Variants in STARD3 observed in about 807,000 individuals in gnomAD.
STARD3 encodes StAR related lipid transfer domain containing 3.
STARD3 carries 39 observed loss-of-function variants against 62.0 expected under a neutral mutation model. The observed-to-expected ratio is 0.63, with a 90% CI of 0.49 to 0.82. STARD3 has a LOEUF of 0.82. Ranked by LOEUF, STARD3 falls within the 40% of genes least tolerant of loss-of-function variation. STARD3 has a pLI of 0.00. For missense variants in STARD3, 543 were observed against 584.5 expected (o/e 0.93, Z 0.73); for synonymous variants, 229 against 242.4 (o/e 0.94, Z 0.51).
At chr17:39,649,154 G>A (rs1386384296) in intron 1 of STARD3, among the ~76,000 whole-genome samples, 3 of 152,202 alleles carry the variant, frequency 2.0e-5, no homozygotes, top group Non-Finnish European at 4.4e-5. Context: ...GACAGACATG[G>A]ATGACGATAT....
At chr17:39,647,503 G>A (rs1440672991) in intron 1 of STARD3, among the ~76,000 whole-genome samples, 1 of 152,118 alleles carries the variant, frequency 6.6e-6, no homozygotes, top group Non-Finnish European at 1.5e-5. Flanking sequence ...GTGGGTGGAG[G>A]CCTGCGCTAG....
rs778764543 is a variant in STARD3, at chr17:39,660,130, C to CCTG, written c.796-79_796-77dup. The CCTG allele has an allele frequency of 2.0e-6, 3 of 1,468,096 alleles. No individual in the cohort carries two copies. In the South Asian group the frequency reaches 3.4e-5, roughly 17 times the overall value. The allele number at this position is 1,468,096 out of a possible 1,614,324, so 90.9% of individuals were successfully genotyped here. A position where few individuals can be genotyped will look rare whatever the true frequency, so the allele number is the denominator to read the frequency against. ...CCACCCTGAGCTGTTAAAAACCTGC[C>CCTG]CTGCCTGTCACCCATTTCTGTGCCA... On this transcript the variant is annotated intron_variant, in intron 9 of 14. Coordinates refer to ENST00000336308, the MANE Select transcript of STARD3 (RefSeq NM_006804.4). The surrounding 1 kb of genome is among the most constrained non-coding windows in gnomAD (Gnocchi z 4.8).
intron 2 of STARD3, 114 bp downstream of exon 2, chr17:39,653,864 A>G (rs2057101703): frequency 1.7e-6 from 2 of 1,185,230 alleles, no homozygotes; most frequent in South Asian, 1.4e-5. Context: ...AGCTGGGTAA[A>G]ATGAAGACTG....
At chr17:39,659,417 G>A (rs1188917815) in intron 8 of STARD3, 44 bp from the exon 9 acceptor site, 2 of 1,579,894 alleles carry the variant, frequency 1.3e-6, no homozygotes, top group Admixed American at 1.7e-5. Flanking sequence ...ATGGTGGACT[G>A]CAGGCCCCAG....
At chr17:39,639,541 G>T (rs982601198) in intron 1 of STARD3, among the ~76,000 whole-genome samples, 2 of 152,206 alleles carry the variant, frequency 1.3e-5, no homozygotes, top group African/African-American at 4.8e-5. Flanking sequence ...AGAAAGCTGG[G>T]TCCTCTGAAC....
At position 39,663,651 on chromosome 17, in the gene STARD3, C is replaced by G. The variant is rs534183321; in HGVS notation, c.*743C>G. Reference sequence around the variant, plus strand: ...CCCCATTCCCCCCCCGCCCACCCCCCACTCCCCGCTTTCCTGACCAGTTCA... The same window carrying G: ...CCCCATTCCCCCCCCGCCCACCCCCGACTCCCCGCTTTCCTGACCAGTTCA... On this transcript the variant is annotated 3_prime_UTR_variant, in exon 15 of 15. Coordinates refer to ENST00000336308, the MANE Select transcript of STARD3 (RefSeq NM_006804.4). 6.0e-5 allele frequency among the ~76,000 whole-genome samples: 9 copies of G among 149,576 alleles called. No homozygotes were observed. Among genetic ancestry groups the G allele is most frequent in the African/African-American group, 1.5e-4 (6 of 40,668 alleles).
Position 39,662,891 on chromosome 17 carries a change from C to G in STARD3, c.1321C>G (p.Leu441Val). The G allele has an allele frequency of 6.2e-7, 1 of 1,612,134 alleles. No homozygotes were observed. Among genetic ancestry groups the G allele is most frequent in the Non-Finnish European group, 8.5e-7 (1 of 1,179,394 alleles). The change falls in exon 15 of 15, where the codon CTG becomes GTG. Residue 441 changes from leucine to valine, a missense_variant. By Grantham distance (32) the Leu-to-Val change is conservative. Coordinates refer to ENST00000336308, the MANE Select transcript of STARD3 (RefSeq NM_006804.4). ...AFHLRQRISE[L>V]GARA ...TCACCTGCGACAGCGCATCAGCGAG[C>G]TGGGGGCCCGGGCGTGACTGTGCCC...
chr17:39,662,679 A>G (rs2952150), intron 14 of STARD3, 125 bp from the exon 15 acceptor site: 55,166 of 933,470 alleles, frequency 0.059, 2,384 homozygotes, highest in African/African-American at 0.18. Context: ...GGAGAGGGCG[A>G]CCCAGGCTGG....
Position 39,662,131 on chromosome 17 carries a change from T to C in STARD3, c.1140-120T>C, listed in dbSNP as rs553189115. The C allele has an allele frequency of 1.2e-4, 104 of 879,008 alleles. 1 individual carries two copies. The African/African-American group carries it at 1.6e-3, about 14-fold the overall frequency. 54.5% of individuals were successfully genotyped at this position (879,008 alleles called of 1,614,324 possible). A position where few individuals can be genotyped will look rare whatever the true frequency, so the allele number is the denominator to read the frequency against. On this transcript the variant is annotated intron_variant, in intron 13 of 14. Coordinates refer to ENST00000336308, the MANE Select transcript of STARD3 (RefSeq NM_006804.4). ...CTTGTTCAGATAGGGTAGCTCTGCC[T>C]TTCTGCTTCCAGCCCAGTCCCAGCT...
chr17:39,653,809 G>A, intron 2 of STARD3, 59 bp downstream of exon 2: 7 of 1,597,214 alleles, frequency 4.4e-6, no homozygotes, highest in Non-Finnish European at 6.0e-6. Flanking sequence ...GCCTCAGTTT[G>A]TCCATCTGCC....
intron 14 of STARD3, 190 bp downstream of exon 14, chr17:39,662,534 G>GC (rs1334536555): frequency 7.7e-6 from 5 of 652,940 alleles, no homozygotes; most frequent in African/African-American, 1.8e-5. Context: ...TAGGGCATGT[G>GC]CCCCCCCTTC....
intron 1 of STARD3, among the ~76,000 whole-genome samples, chr17:39,646,861 G>C (rs1366994940): frequency 6.6e-6 from 1 of 152,104 alleles, no homozygotes; most frequent in African/African-American, 2.4e-5. Context: ...CCTGGCACCT[G>C]ACTTCCCCCC....
In STARD3 at chr17:39,647,432, G is replaced by C. The variant is rs561203467; in HGVS notation, c.-51-6049G>C. On this transcript the variant is annotated intron_variant, in intron 1 of 14. Coordinates refer to ENST00000336308, the MANE Select transcript of STARD3 (RefSeq NM_006804.4). Reference sequence around the variant, plus strand: ...GCAGTGGGTGGGGTGCTGCTCCCAGGGGGCTGGGCTGTCTCTGAATTGTCC... The same window carrying C: ...GCAGTGGGTGGGGTGCTGCTCCCAGCGGGCTGGGCTGTCTCTGAATTGTCC... Among the ~76,000 whole-genome samples the C allele has an allele frequency of 3.3e-5, 5 of 152,286 alleles. No homozygotes were observed. In the East Asian group the frequency reaches 9.6e-4, roughly 29 times the overall value.
intron 1 of STARD3, among the ~76,000 whole-genome samples, chr17:39,640,628 T>A (rs2056975074): frequency 6.6e-6 from 1 of 151,496 alleles, no homozygotes. Flanking sequence ...CCTCACTGGT[T>A]TACATAGCAG....
In STARD3 at chr17:39,662,965, G is replaced by C. The variant is rs2057218012; in HGVS notation, c.*57G>C. On this transcript the variant is annotated 3_prime_UTR_variant, in exon 15 of 15. Coordinates refer to ENST00000336308, the MANE Select transcript of STARD3 (RefSeq NM_006804.4). ...CCTGTCGCCACCACTTCCAGAGCCA[G>C]AAAGGGTGCCAGTTGGGCTCGCACT... 1 of 1,539,016 alleles carries C rather than the reference G, an allele frequency of 6.5e-7. No individual in the cohort carries two copies. The highest frequency in any genetic ancestry group is 1.2e-5 in the South Asian group (1 of 84,516).
At position 39,658,824 on chromosome 17, in the gene STARD3, A is replaced by G; in HGVS notation, c.646+4A>G. ...TCACCCCCAGAATCCTTTGCAGGTG[A>G]GGGCTGGTGTGTGGGGGAACTGCTT... On this transcript the variant is annotated splice_donor_region_variant and intron_variant, in intron 7 of 14. Transcript: ENST00000336308. The G allele has an allele frequency of 1.2e-6, 2 of 1,613,706 alleles. No homozygotes were observed. The highest frequency in any genetic ancestry group is 2.7e-5 in the African/African-American group (2 of 74,976).
chr17:39,640,513 C>A (rs2056973883), intron 1 of STARD3, among the ~76,000 whole-genome samples: 1 of 145,260 alleles, frequency 6.9e-6, no homozygotes, highest in Non-Finnish European at 1.5e-5. Context: ...ATCCCCCCAA[C>A]CCCCCCACCC....
At chr17:39,657,263 C>T (rs1295621164) in intron 3 of STARD3, among the ~76,000 whole-genome samples, 178 bp downstream of exon 3, 6 of 152,128 alleles carry the variant, frequency 3.9e-5, no homozygotes, top group Admixed American at 6.5e-5. Flanking sequence ...CAGTGGCTCA[C>T]GCCTGTAATC....
chr17:39,658,158 T>C (rs2057152051), intron 5 of STARD3, 132 bp downstream of exon 5: 1 of 1,058,412 alleles, frequency 9.4e-7, no homozygotes, highest in South Asian at 1.4e-5. Context: ...ATCCTGTCCT[T>C]TGGTATCTAT....
Sources: gnomAD v4.1 joint callset for allele counts (sites outside exome capture counted in the v4.1 genomes callset) on GRCh38, gnomAD v4.1.1 for gene constraint, Gnocchi (gnomAD v3.1) non-coding constraint, MANE v1.5 for transcripts, NCBI Gene and HGNC (gene_info 2026-07-23, HGNC 2026-07-21) for gene names.